KCNIP4: variants seen among roughly 807,000 people sequenced by gnomAD.
The protein encoded by KCNIP4 is Kv channel-interacting protein 4.
In KCNIP4, 12 loss-of-function variants were observed where a neutral mutation model predicts 34.0. That is an observed-to-expected ratio of 0.35 (90% confidence interval 0.23 to 0.57). KCNIP4 has a LOEUF of 0.57. Ranked by LOEUF, KCNIP4 falls within the 20% of genes least tolerant of loss-of-function variation. KCNIP4 has a pLI of 0.83. For synonymous variants in KCNIP4, 124 were observed against 102.2 expected (o/e 1.21, Z -1.29); for missense variants, 238 against 311.7 (o/e 0.76, Z 1.78).
At chr4:21,279,796 G>A (rs191857917) in intron 1 of KCNIP4, among the ~76,000 whole-genome samples, 3 of 152,064 alleles carry the variant, frequency 2.0e-5, no homozygotes, top group South Asian at 4.2e-4. Context: ...TTCCTCTTCT[G>A]TAAAATGGGC....
intron 1 of KCNIP4, among the ~76,000 whole-genome samples, chr4:21,623,606 A>G (rs975891237): frequency 1.3e-5 from 2 of 152,124 alleles, no homozygotes; most frequent in African/African-American, 4.8e-5. Flanking sequence ...GCCATCTACT[A>G]CTCTCAAAGT....
At chr4:21,302,643 A>G (rs1711869592) in intron 1 of KCNIP4, among the ~76,000 whole-genome samples, 1 of 152,222 alleles carries the variant, frequency 6.6e-6, no homozygotes, top group Non-Finnish European at 1.5e-5. Context: ...TACCAAAAGC[A>G]TTCTGCAACT....
intron 1 of KCNIP4, among the ~76,000 whole-genome samples, chr4:21,476,327 C>T (rs367996615): frequency 7.9e-5 from 12 of 152,140 alleles, no homozygotes; most frequent in African/African-American, 2.9e-4. Flanking sequence ...CCTCGAATAT[C>T]ATATGTTGAA....
chr4:20,868,840 C>T (rs1015802876), intron 2 of KCNIP4, among the ~76,000 whole-genome samples: 4 of 151,940 alleles, frequency 2.6e-5, no homozygotes, highest in Admixed American at 2.0e-4. Context: ...ACTGGGAAGG[C>T]GGGACATTGA....
chr4:21,458,593 G>A (rs1729168147), intron 1 of KCNIP4, among the ~76,000 whole-genome samples: 1 of 152,014 alleles, frequency 6.6e-6, no homozygotes, highest in Non-Finnish European at 1.5e-5. Flanking sequence ...AAAAGTAGTA[G>A]TGTGCTTAAA....
chr4:20,875,169 C>T (rs568337910), intron 2 of KCNIP4, among the ~76,000 whole-genome samples: 2 of 151,816 alleles, frequency 1.3e-5, no homozygotes, highest in Non-Finnish European at 2.9e-5. Context: ...GTATGACGGT[C>T]CCATGTTGAG....
chr4:20,985,174 C>T (rs1210783533), intron 1 of KCNIP4, among the ~76,000 whole-genome samples: 9 of 152,170 alleles, frequency 5.9e-5, no homozygotes, highest in Admixed American at 3.9e-4. Context: ...GGGTCATTTG[C>T]AAGTTCTGCT....
At chr4:21,783,583 CA>C (rs1719710085) in intron 1 of KCNIP4, among the ~76,000 whole-genome samples, 1 of 152,036 alleles carries the variant, frequency 6.6e-6, no homozygotes, top group Non-Finnish European at 1.5e-5. Flanking sequence ...AAAGCAAACC[CA>C]AAGCAGATGT....
Position 21,595,465 on chromosome 4 carries a change from T to C in KCNIP4, c.61+353106A>G, listed in dbSNP as rs139551493. Among the ~76,000 whole-genome samples the C allele has an allele frequency of 3.2e-3, 480 of 152,224 alleles. 3 individuals carry two copies. Among genetic ancestry groups the C allele is most frequent in the African/African-American group, 0.011 (458 of 41,536 alleles). Reference sequence around the variant, plus strand: ...TACAGTAAACATGAGTATGCATGTGTCTTTATAGTAGAATGATTTATAATC... The same window carrying C: ...TACAGTAAACATGAGTATGCATGTGCCTTTATAGTAGAATGATTTATAATC... On this transcript the variant is annotated intron_variant, in intron 1 of 8. Coordinates refer to ENST00000382152, the MANE Select transcript of KCNIP4 (RefSeq NM_025221.6).
At chr4:20,955,835 A>G (rs1733245164) in intron 1 of KCNIP4, among the ~76,000 whole-genome samples, 1 of 152,220 alleles carries the variant, frequency 6.6e-6, no homozygotes, top group Non-Finnish European at 1.5e-5. Flanking sequence ...CAGTTCTTTT[A>G]GTTCCATATT....
At chr4:21,244,521 T>G (rs1270987831) in intron 1 of KCNIP4, among the ~76,000 whole-genome samples, 2 of 152,204 alleles carry the variant, frequency 1.3e-5, no homozygotes, top group African/African-American at 4.8e-5. Flanking sequence ...TGTTTGCAAT[T>G]GACTGTGGAT....
chr4:21,222,801 G>A (rs1179246076), intron 1 of KCNIP4, among the ~76,000 whole-genome samples: 2 of 152,216 alleles, frequency 1.3e-5, no homozygotes, highest in African/African-American at 4.8e-5. Context: ...CATTTTTTAT[G>A]CCAGTTTTTC....
intron 1 of KCNIP4, among the ~76,000 whole-genome samples, chr4:21,788,949 T>C (rs1441020829): frequency 2.6e-5 from 4 of 151,638 alleles, no homozygotes; most frequent in Non-Finnish European, 4.4e-5. Context: ...GGCGCGCGTC[T>C]GTAGTCTCAA....
chr4:21,343,885 T>G (rs1717022465), intron 1 of KCNIP4, among the ~76,000 whole-genome samples: 1 of 152,090 alleles, frequency 6.6e-6, no homozygotes, highest in African/African-American at 2.4e-5. Flanking sequence ...TATTAATAAC[T>G]CATTAAATTA....
At chr4:21,812,981 T>G (rs1452522346) in intron 1 of KCNIP4, among the ~76,000 whole-genome samples, 1 of 152,156 alleles carries the variant, frequency 6.6e-6, no homozygotes, top group Non-Finnish European at 1.5e-5. Flanking sequence ...TTGTGTGTCA[T>G]ACTCAGGATA....
intron 1 of KCNIP4, among the ~76,000 whole-genome samples, chr4:20,901,626 T>C (rs540513784): frequency 7.9e-5 from 12 of 152,320 alleles, no homozygotes; most frequent in Non-Finnish European, 1.5e-4. Context: ...GATTCAAATA[T>C]TAATGGCATT....
At chr4:20,773,146 G>A (rs116299772) in intron 3 of KCNIP4, among the ~76,000 whole-genome samples, 4 of 151,810 alleles carry the variant, frequency 2.6e-5, no homozygotes. Flanking sequence ...ACAGCCCCTC[G>A]CTTATGAGCC....
At chr4:21,719,082 T>C (rs778653140) in intron 1 of KCNIP4, 2 of 152,204 alleles carry the variant, frequency 1.3e-5, no homozygotes, top group Admixed American at 6.5e-5. Flanking sequence ...CAAGTGATCA[T>C]TGAAGTAATA....
intron 1 of KCNIP4, among the ~76,000 whole-genome samples, chr4:21,396,884 G>A (rs1195020819): frequency 6.6e-6 from 1 of 152,110 alleles, no homozygotes; most frequent in Non-Finnish European, 1.5e-5. Flanking sequence ...CTTGATTTTA[G>A]CCCAGTGAAA....
Sources: gnomAD v4.1 joint callset for allele counts (sites outside exome capture counted in the v4.1 genomes callset) on GRCh38, gnomAD v4.1.1 for gene constraint, MANE v1.5 for transcripts, NCBI Gene and HGNC (gene_info 2026-07-23, HGNC 2026-07-21) for gene names.